Variants in SORCS3 observed in about 807,000 individuals in gnomAD.
The protein encoded by SORCS3 is VPS10 domain-containing receptor SorCS3.
SORCS3 carries 57 observed loss-of-function variants against 146.3 expected under a neutral mutation model. The observed-to-expected ratio is 0.39, with a 90% CI of 0.31 to 0.49. The LOEUF (loss-of-function observed/expected upper bound fraction) is 0.49. Among genes scored for constraint, SORCS3 ranks in the 20% least tolerant of loss-of-function variants. SORCS3 has a pLI of 0.92. For synonymous variants in SORCS3, 653 were observed against 618.5 expected, an observed-to-expected ratio of 1.06 and a Z score of -0.83; for missense variants, 1,341 against 1,575.5, an observed-to-expected ratio of 0.85 and a Z score of 2.52.
At chr10:104,760,060 C>G (rs542158063) in intron 1 of SORCS3, among the ~76,000 whole-genome samples, 3 of 152,346 alleles carry the variant, frequency 2.0e-5, no homozygotes, top group African/African-American at 4.8e-5. Flanking sequence ...ATGCAAAGAT[C>G]TGCAAAAGAA....
intron 14 of SORCS3, among the ~76,000 whole-genome samples, chr10:105,194,026 T>C (rs141758755): frequency 4.1e-4 from 62 of 152,270 alleles, no homozygotes; most frequent in Non-Finnish European, 7.1e-4. Context: ...GTTATAAATT[T>C]TAATTGATTT....
At chr10:105,245,800 C>T (rs1322967263) in intron 21 of SORCS3, 135 bp downstream of exon 21, 2 of 1,048,684 alleles carry the variant, frequency 1.9e-6, no homozygotes, top group South Asian at 1.7e-5. Flanking sequence ...AGGAAGCTTC[C>T]AAACCTACCT....
chr10:104,702,476 TG>T (rs2016291072), intron 1 of SORCS3, among the ~76,000 whole-genome samples: 1 of 152,094 alleles, frequency 6.6e-6, no homozygotes, highest in Admixed American at 6.5e-5. Context: ...TCAGTAGAGA[TG>T]GGGTTTCACC....
chr10:104,662,198 C>T (rs774042576), intron 1 of SORCS3, among the ~76,000 whole-genome samples: 11 of 152,018 alleles, frequency 7.2e-5, no homozygotes, highest in Admixed American at 6.6e-5. Context: ...TTTGTGAGTG[C>T]GGATAGGCTG....
chr10:105,113,785 T>C (rs547384290), intron 7 of SORCS3, among the ~76,000 whole-genome samples: 8 of 152,322 alleles, frequency 5.3e-5, no homozygotes, highest in Non-Finnish European at 7.3e-5. Flanking sequence ...TCCTTTTCTG[T>C]GTAGGGGACC....
chr10:104,874,485 C>T (rs896803191), intron 2 of SORCS3, among the ~76,000 whole-genome samples: 5 of 152,064 alleles, frequency 3.3e-5, no homozygotes, highest in African/African-American at 1.2e-4. Flanking sequence ...GTACTACTTA[C>T]ACTTTCTGAT....
At chr10:104,958,561 G>A (rs1289821105) in intron 3 of SORCS3, among the ~76,000 whole-genome samples, 1 of 152,132 alleles carries the variant, frequency 6.6e-6, no homozygotes, top group African/African-American at 2.4e-5. Context: ...GAGTGATGTG[G>A]TATGACAAAG....
intron 14 of SORCS3, among the ~76,000 whole-genome samples, chr10:105,188,071 G>C (rs547841832): frequency 6.6e-6 from 1 of 152,212 alleles, no homozygotes; most frequent in Non-Finnish European, 1.5e-5. Context: ...ATAGTGCTAA[G>C]GCTTAAGGGC....
chr10:105,129,331 C>CTTTTTTT (rs71022753), intron 7 of SORCS3, among the ~76,000 whole-genome samples: 1 of 104,634 alleles, frequency 9.6e-6, no homozygotes, highest in African/African-American at 3.9e-5. Context: ...CTTTCTTTCT[C>CTTTTTTT]TTTTTTTTTT....
chr10:105,243,075 A>ATATT (rs1463427395), intron 20 of SORCS3, among the ~76,000 whole-genome samples: 3 of 138,216 alleles, frequency 2.2e-5, no homozygotes, highest in Admixed American at 8.0e-5. Context: ...ATATATTTAT[A>ATATT]TATATATATT....
chr10:105,044,625 C>T lies in SORCS3; in HGVS notation c.1028+1497C>T, dbSNP rs187570092. Among the ~76,000 whole-genome samples, 22 of 152,080 alleles carry T rather than the reference C, an allele frequency of 1.4e-4. No individual in the cohort carries two copies. The East Asian group carries it at 4.1e-3, about 28-fold the overall frequency. On this transcript the variant is annotated intron_variant, in intron 5 of 26. Transcript: ENST00000369701. ...TGGCTTCAACCCATTCCGTCTGCAT[C>T]CACAAAACTATGTTTAGATTTTAAA...
chr10:105,143,844 A>C (rs1446966506), intron 8 of SORCS3, among the ~76,000 whole-genome samples: 1 of 152,096 alleles, frequency 6.6e-6, no homozygotes, highest in Non-Finnish European at 1.5e-5. Flanking sequence ...CTATCTCACC[A>C]GTCTGTCTCC....
intron 22 of SORCS3, among the ~76,000 whole-genome samples, chr10:105,248,713 C>CAAA (rs35611802): frequency 4.3e-4 from 47 of 110,274 alleles, no homozygotes; most frequent in East Asian, 4.1e-3. Context: ...GACTCCATCT[C>CAAA]AAAAAAAAAA....
chr10:104,894,124 C>T (rs542260827), intron 2 of SORCS3, among the ~76,000 whole-genome samples: 44 of 152,320 alleles, frequency 2.9e-4, no homozygotes, highest in African/African-American at 9.9e-4. Context: ...TGTGTAATCT[C>T]CTTTCTTCTC....
chr10:104,899,621 T>G (rs1048789607), intron 2 of SORCS3, among the ~76,000 whole-genome samples: 1 of 152,214 alleles, frequency 6.6e-6, no homozygotes, highest in African/African-American at 2.4e-5. Flanking sequence ...TACTTAGCTT[T>G]CTGTTGCTTC....
chr10:104,816,096 A>G (rs148688767), intron 1 of SORCS3, among the ~76,000 whole-genome samples: 69 of 152,324 alleles, frequency 4.5e-4, no homozygotes, highest in African/African-American at 1.7e-3. Context: ...ATATAAGAGT[A>G]TATTACCTAA....
intron 3 of SORCS3, among the ~76,000 whole-genome samples, chr10:104,927,793 G>A (rs7091169): frequency 0.21 from 31,046 of 151,342 alleles, 3,568 homozygotes; most frequent in African/African-American, 0.31. Context: ...CAGGAGAATC[G>A]CTTGAACCCG....
chr10:104,852,789 G>A (rs1564698416), intron 2 of SORCS3, among the ~76,000 whole-genome samples: 1 of 152,160 alleles, frequency 6.6e-6, no homozygotes, highest in Non-Finnish European at 1.5e-5. Context: ...GACCATAAAG[G>A]TTAATAATTG....
At chr10:104,651,288 G>A (rs906888440) in intron 1 of SORCS3, among the ~76,000 whole-genome samples, 1 of 152,134 alleles carries the variant, frequency 6.6e-6, no homozygotes, top group Non-Finnish European at 1.5e-5. Context: ...CTAAGCCACA[G>A]CAATCTTGAA....
Sources: gnomAD v4.1 joint callset for allele counts (sites outside exome capture counted in the v4.1 genomes callset) on GRCh38, gnomAD v4.1.1 for gene constraint, MANE v1.5 for transcripts, NCBI Gene and HGNC (gene_info 2026-07-23, HGNC 2026-07-21) for gene names.